ZNF407: variants seen among roughly 807,000 people sequenced by gnomAD.
ZNF407 encodes zinc finger protein 407.
A neutral mutation model predicts 131.2 loss-of-function variants in ZNF407; 17 were observed. That is an observed-to-expected ratio of 0.13 (90% confidence interval 0.09 to 0.19). ZNF407 has a LOEUF of 0.19. Among genes scored for constraint, ZNF407 ranks in the 10% least tolerant of loss-of-function variants. ZNF407 has a pLI of 1.00. For synonymous variants in ZNF407, 1,156 were observed against 1,062.0 expected, an observed-to-expected ratio of 1.09 and a Z score of -1.72; for missense variants, 2,681 against 2,830.6, an observed-to-expected ratio of 0.95 and a Z score of 1.20.
At chr18:75,056,153 C>CT (rs1309195738) in intron 8 of ZNF407, among the ~76,000 whole-genome samples, 2 of 152,228 alleles carry the variant, frequency 1.3e-5, no homozygotes, top group African/African-American at 4.8e-5. Context: ...AGGCCAGCTC[C>CT]TGTCAGCTGA....
intron 5 of ZNF407, among the ~76,000 whole-genome samples, chr18:74,879,111 AAT>A (rs563505487): frequency 9.7e-4 from 148 of 152,290 alleles, no homozygotes; most frequent in African/African-American, 3.5e-3. Flanking sequence ...AAGGAATAAA[AAT>A]ATATAAAGCA....
intron 7 of ZNF407, among the ~76,000 whole-genome samples, chr18:74,904,052 T>C (rs1404150612): frequency 6.6e-6 from 1 of 152,216 alleles, no homozygotes; most frequent in Non-Finnish European, 1.5e-5. Flanking sequence ...TCTGTGGCCA[T>C]GAAGGCCCTT....
At chr18:74,757,839 C>T (rs1156281987) in intron 3 of ZNF407, among the ~76,000 whole-genome samples, 1 of 152,032 alleles carries the variant, frequency 6.6e-6, no homozygotes, top group South Asian at 2.1e-4. Context: ...TGTGTTTGTT[C>T]ATTCTTTATA....
chr18:74,988,460 A>G (rs1476530070), intron 8 of ZNF407, among the ~76,000 whole-genome samples: 1 of 151,102 alleles, frequency 6.6e-6, no homozygotes, highest in Non-Finnish European at 1.5e-5. Flanking sequence ...TAAGAAAATA[A>G]AGAGAAAAGA....
At chr18:75,034,998 A>C (rs1162931603) in intron 8 of ZNF407, among the ~76,000 whole-genome samples, 4 of 152,202 alleles carry the variant, frequency 2.6e-5, no homozygotes, top group Non-Finnish European at 4.4e-5. Context: ...AAGTAAGTAC[A>C]TAATATTCAC....
At chr18:74,728,485 C>A (rs1306377740) in intron 3 of ZNF407, among the ~76,000 whole-genome samples, 1 of 152,176 alleles carries the variant, frequency 6.6e-6, no homozygotes, top group Non-Finnish European at 1.5e-5. Flanking sequence ...CTGGCAGTAA[C>A]TAGCTTTACC....
intron 4 of ZNF407, among the ~76,000 whole-genome samples, chr18:74,843,933 G>A (rs1342985834): frequency 6.6e-6 from 1 of 152,044 alleles, no homozygotes; most frequent in Admixed American, 6.5e-5. Flanking sequence ...TATTAAATAT[G>A]CAACTTAGTT....
intron 4 of ZNF407, among the ~76,000 whole-genome samples, chr18:74,828,265 T>C (rs137874356): frequency 6.6e-6 from 1 of 152,200 alleles, no homozygotes; most frequent in Non-Finnish European, 1.5e-5. Context: ...TGTATCACAT[T>C]TCCCCCGGAG....
chr18:74,879,779 T>G (rs1971213555), intron 5 of ZNF407, among the ~76,000 whole-genome samples: 1 of 152,208 alleles, frequency 6.6e-6, no homozygotes, highest in South Asian at 2.1e-4. Flanking sequence ...AAGCGTAATT[T>G]GGTTAAAACT....
At chr18:74,946,174 T>C (rs1972151966) in intron 8 of ZNF407, among the ~76,000 whole-genome samples, 1 of 152,220 alleles carries the variant, frequency 6.6e-6, no homozygotes, top group Non-Finnish European at 1.5e-5. Flanking sequence ...ACCTTTTATA[T>C]AACAAACCAA....
chr18:74,631,506 G>C lies in ZNF407; in HGVS notation c.487G>C (p.Glu163Gln). The change falls in exon 2 of 9, where the codon GAA becomes CAA. Residue 163 changes from glutamate to glutamine, a missense_variant. Coordinates refer to ENST00000299687, the MANE Select transcript of ZNF407 (RefSeq NM_017757.3). The stretch of plus-strand genomic sequence containing the variant: ...TCAGGAAATGGTTTCCCTTGATCTG[G>C]AAAGAGAATCTCCTTTCCCCCCGAA... ...SAQEMVSLDL[E>Q]RESPFPPKEI... 6.2e-7 allele frequency: 1 copy of C among 1,613,882 alleles called. No homozygotes were observed. Among genetic ancestry groups the C allele is most frequent in the African/African-American group, 1.3e-5 (1 of 75,016 alleles).
intron 8 of ZNF407, among the ~76,000 whole-genome samples, chr18:74,992,508 G>A (rs752783298): frequency 5.0e-4 from 76 of 152,214 alleles, no homozygotes; most frequent in Non-Finnish European, 9.0e-4. Context: ...CATCACTGGT[G>A]TGATGGGGCA....
Position 75,065,539 on chromosome 18 carries a change from A to G in ZNF407, c.*1071A>G, listed in dbSNP as rs568952847. The G allele has an allele frequency of 3.9e-5, 6 of 152,372 alleles. No homozygotes were observed. Among genetic ancestry groups the G allele is most frequent in the African/African-American group, 1.4e-4 (6 of 41,586 alleles). The allele number at this position is 152,372 out of a possible 1,614,324, so 9.4% of individuals were successfully genotyped here. A position where few individuals can be genotyped will look rare whatever the true frequency, so the allele number is the denominator to read the frequency against. ...CAGCTGTCGGATGCGAGTTTCTGTC[A>G]TAATCATTTGTTTCCTGATACAATT... is the stretch of plus-strand genomic sequence containing the variant. On this transcript the variant is annotated 3_prime_UTR_variant, in exon 9 of 9. Transcript: ENST00000299687.
At chr18:74,607,603 G>GC (rs992926287) in intron 1 of ZNF407, among the ~76,000 whole-genome samples, 4 of 152,230 alleles carry the variant, frequency 2.6e-5, no homozygotes, top group African/African-American at 9.6e-5. Context: ...GTGCTGTGAG[G>GC]CCCAGTCTTA....
At chr18:74,899,135 A>C (rs1971490304) in intron 7 of ZNF407, among the ~76,000 whole-genome samples, 1 of 152,192 alleles carries the variant, frequency 6.6e-6, no homozygotes, top group South Asian at 2.1e-4. Context: ...TCCCTCCAAA[A>C]GCAGTAGGGA....
chr18:74,818,417 T>C (rs945850213), intron 4 of ZNF407, among the ~76,000 whole-genome samples: 1 of 152,266 alleles, frequency 6.6e-6, no homozygotes, highest in Non-Finnish European at 1.5e-5. Context: ...TCTTCAGACA[T>C]TGTAGTATTT....
intron 4 of ZNF407, among the ~76,000 whole-genome samples, chr18:74,829,167 C>T (rs1970449338): frequency 6.6e-6 from 1 of 152,192 alleles, no homozygotes; most frequent in South Asian, 2.1e-4. Context: ...TCACACACAA[C>T]ATAAAATATT....
At chr18:74,890,349 A>G (rs576938925) in intron 7 of ZNF407, among the ~76,000 whole-genome samples, 12 of 152,316 alleles carry the variant, frequency 7.9e-5, no homozygotes, top group African/African-American at 2.4e-4. Flanking sequence ...CTACATTGAC[A>G]TGATTCTCAC....
intron 8 of ZNF407, among the ~76,000 whole-genome samples, chr18:75,020,884 T>C (rs1034754995): frequency 6.6e-6 from 1 of 152,180 alleles, no homozygotes; most frequent in Non-Finnish European, 1.5e-5. Flanking sequence ...AGTTAGAAGA[T>C]ATGAAAACAA....
Sources: gnomAD v4.1 joint callset for allele counts (sites outside exome capture counted in the v4.1 genomes callset) on GRCh38, gnomAD v4.1.1 for gene constraint, MANE v1.5 for transcripts, NCBI Gene and HGNC (gene_info 2026-07-23, HGNC 2026-07-21) for gene names.